Variants in RGL1 observed in about 807,000 individuals in gnomAD.
RGL1 encodes the protein ral guanine nucleotide dissociation stimulator like 1.
Under a neutral mutation model 95.2 loss-of-function variants are expected in RGL1, and 24 were observed. That is an observed-to-expected ratio of 0.25 (90% confidence interval 0.18 to 0.35). The LOEUF (loss-of-function observed/expected upper bound fraction) is 0.35. Among genes scored for constraint, RGL1 ranks in the 10% least tolerant of loss-of-function variants. The pLI is 1.00. For missense variants in RGL1, 715 were observed against 936.3 expected (o/e 0.76, Z 3.08); for synonymous variants, 329 against 344.9 (o/e 0.95, Z 0.51).
rs147885922 is a variant in RGL1 at position 183,703,144 on chromosome 1, C to T, written c.-32-38982C>T. Among the ~76,000 whole-genome samples the T allele has an allele frequency of 1.8e-3, 280 of 152,298 alleles. 7 individuals are homozygous for T. The East Asian group carries it at 0.042, about 23-fold the overall frequency. ...GTTATTCACCACCACCTCCCCCCGCCGGCTTCCAGGCCCTGGGGAAAGTCT... is the reference window on the plus strand; with the variant it reads ...GTTATTCACCACCACCTCCCCCCGCTGGCTTCCAGGCCCTGGGGAAAGTCT... On this transcript the variant is annotated intron_variant, in intron 1 of 18. Coordinates refer to the RGL1 transcript ENST00000304685.
intron 2 of RGL1, among the ~76,000 whole-genome samples, chr1:183,827,424 A>G (rs1662943311): frequency 6.6e-6 from 1 of 152,212 alleles, no homozygotes; most frequent in South Asian, 2.1e-4. Context: ...AAACTGTTAA[A>G]CTGGAATCTC....
intron 1 of RGL1, among the ~76,000 whole-genome samples, chr1:183,669,695 G>A (rs1652307255): frequency 6.6e-6 from 1 of 152,124 alleles, no homozygotes; most frequent in Non-Finnish European, 1.5e-5. Context: ...TTTTCATACT[G>A]CTATGAAGAA....
chr1:183,640,115 G>A (rs548005494), intron 1 of RGL1, among the ~76,000 whole-genome samples: 202 of 152,298 alleles, frequency 1.3e-3, no homozygotes, highest in African/African-American at 4.6e-3. Context: ...GGGATTACAG[G>A]TGTGAGCCAC....
intron 2 of RGL1, among the ~76,000 whole-genome samples, chr1:183,743,304 G>T (rs914694333): frequency 6.6e-6 from 1 of 152,170 alleles, no homozygotes; most frequent in African/African-American, 2.4e-5. Flanking sequence ...GTGAGTGACT[G>T]TGCCCAGCCC....
chr1:183,743,918 T>C (rs1464706644), intron 2 of RGL1, among the ~76,000 whole-genome samples: 1 of 152,188 alleles, frequency 6.6e-6, no homozygotes. Flanking sequence ...ACAGAATTGG[T>C]GAGAAGTTTG....
intron 2 of RGL1, among the ~76,000 whole-genome samples, chr1:183,745,220 G>T (rs747624428): frequency 1.3e-5 from 2 of 152,024 alleles, no homozygotes; most frequent in Non-Finnish European, 2.9e-5. Context: ...TGGGTCATTT[G>T]TCTTTCCTTG....
At chr1:183,903,310 G>A (rs1668133284) in intron 12 of RGL1, among the ~76,000 whole-genome samples, 1 of 152,136 alleles carries the variant, frequency 6.6e-6, no homozygotes, top group South Asian at 2.1e-4. Flanking sequence ...TCCCTTTCGT[G>A]TCAGCATAGG....
intron 2 of RGL1, among the ~76,000 whole-genome samples, chr1:183,840,342 T>A (rs571394495): frequency 2.5e-4 from 38 of 152,288 alleles, no homozygotes; most frequent in African/African-American, 8.9e-4. Context: ...AATCCTGGTT[T>A]CTATGATTCA....
At chr1:183,747,602 T>C (rs964274490) in intron 2 of RGL1, among the ~76,000 whole-genome samples, 2 of 152,238 alleles carry the variant, frequency 1.3e-5, no homozygotes, top group Non-Finnish European at 2.9e-5. Context: ...TTCACTCTGA[T>C]GATAGATTCT....
chr1:183,688,947 C>T (rs528829915), intron 1 of RGL1, among the ~76,000 whole-genome samples: 4 of 152,226 alleles, frequency 2.6e-5, no homozygotes, highest in African/African-American at 7.2e-5. Context: ...CTGAAATTCA[C>T]TTGGAGAGGT....
chr1:183,887,157 C>CCT (rs369829447), intron 7 of RGL1, among the ~76,000 whole-genome samples: 1 of 6,776 alleles, frequency 1.5e-4, no homozygotes, highest in Non-Finnish European at 3.6e-4. Flanking sequence ...TCTCTCTCTT[C>CCT]CCCTCCCTCC....
At chr1:183,770,728 G>A (rs1036833411) in intron 2 of RGL1, among the ~76,000 whole-genome samples, 1 of 152,184 alleles carries the variant, frequency 6.6e-6, no homozygotes, top group Non-Finnish European at 1.5e-5. Context: ...GCATCTCATT[G>A]TCCAGATGTG....
intron 12 of RGL1, 77 bp downstream of exon 12, chr1:183,902,677 G>A (rs2102702035): frequency 1.4e-6 from 2 of 1,426,896 alleles, no homozygotes; most frequent in Non-Finnish European, 1.9e-6. Context: ...AAGTTTTTTT[G>A]TAGAGGCAGA....
At chr1:183,764,617 T>C (rs1926836) in intron 2 of RGL1, among the ~76,000 whole-genome samples, 104,591 of 152,028 alleles carry the variant, frequency 0.69, 36,291 homozygotes, top group East Asian at 0.91. Context: ...GTTCCAGTCC[T>C]GATCTTTCTA....
intron 13 of RGL1, 119 bp downstream of exon 13, chr1:183,905,090 A>G: frequency 3.8e-6 from 5 of 1,308,408 alleles, no homozygotes; most frequent in Non-Finnish European, 5.1e-6. Flanking sequence ...GCTAGGTTCC[A>G]GGTCCTTGGT....
At chr1:183,921,913 C>T (rs896198852) in intron 16 of RGL1, among the ~76,000 whole-genome samples, 28 of 152,180 alleles carry the variant, frequency 1.8e-4, no homozygotes, top group Non-Finnish European at 5.9e-5. Flanking sequence ...ACAATTCCCT[C>T]ATATATATTC....
At chr1:183,737,447 T>G (rs184302423) in intron 1 of RGL1, among the ~76,000 whole-genome samples, 184 of 152,208 alleles carry the variant, frequency 1.2e-3, no homozygotes, top group African/African-American at 4.3e-3. Flanking sequence ...AGCATAGTGT[T>G]AGTAAATATT....
chr1:183,692,897 A>G (rs958385843), intron 1 of RGL1, among the ~76,000 whole-genome samples: 1 of 152,180 alleles, frequency 6.6e-6, no homozygotes, highest in Non-Finnish European at 1.5e-5. Context: ...CCAAAAGTCC[A>G]TTTAACTATA....
intron 1 of RGL1, chr1:183,647,970 A>G (rs1174658): frequency 0.39 from 632,588 of 1,613,898 alleles, 126,235 homozygotes; most frequent in African/African-American, 0.48. Context: ...CATTTGAAAA[A>G]ACTGTCCAGG....
Sources: allele counts gnomAD v4.1 joint callset (sites outside exome capture counted in the v4.1 genomes callset), GRCh38; gene constraint gnomAD v4.1.1; transcripts MANE v1.5; gene names NCBI Gene and HGNC (gene_info 2026-07-23, HGNC 2026-07-21).